The following ARRDC4 variants were observed in gnomAD, a reference collection of about 807,000 sequenced individuals.
ARRDC4 encodes arrestin domain-containing protein 4.
Under a neutral mutation model 44.6 loss-of-function variants are expected in ARRDC4, and 40 were observed. The ratio of observed to expected loss-of-function variants is 0.90; its 90% CI spans 0.70 to 1.17. ARRDC4 has a LOEUF of 1.17. Among genes scored for constraint, ARRDC4 ranks in the 50% most tolerant of loss-of-function variants. The pLI, the probability that ARRDC4 is intolerant of heterozygous loss-of-function variation, is 0.00. For synonymous variants in ARRDC4, 211 were observed against 221.2 expected, an observed-to-expected ratio of 0.95 and a Z score of 0.41; for missense variants, 550 against 559.1, an observed-to-expected ratio of 0.98 and a Z score of 0.16.
chr15:97,960,810 C>G lies in ARRDC4; in HGVS notation c.-52C>G, dbSNP rs1395927381. 3.0e-5 allele frequency: 38 copies of G among 1,257,918 alleles called. No individual in the cohort carries two copies. In the South Asian group the frequency reaches 1.1e-3, roughly 37 times the overall value. The allele number at this position is 1,257,918 out of a possible 1,614,324, so 77.9% of individuals were successfully genotyped here. ...CAGCGGCGCCGCTGTGCTCGCGACCCCGGCTCCGGGCCTCTGCCGACCTCA... is the reference window on the plus strand; with the variant it reads ...CAGCGGCGCCGCTGTGCTCGCGACCGCGGCTCCGGGCCTCTGCCGACCTCA... On this transcript the variant is annotated 5_prime_UTR_variant, in exon 1 of 8. Transcript: ENST00000268042.
chr15:97,968,976 T>C lies in ARRDC4; in HGVS notation c.626-147T>C. On this transcript the variant is annotated intron_variant, in intron 4 of 7. Transcript: ENST00000268042. The surrounding 1 kb of genome is among the most constrained non-coding windows in gnomAD (Gnocchi z 5.4). ...AACCTGCAGTGAATTTTTATTTCTC[T>C]GGCTTGAATTTACAATATGTTTTCC... is the stretch of plus-strand genomic sequence containing the variant. 1.2e-6 allele frequency: 1 copy of C among 863,064 alleles called. No individual in the cohort carries two copies. Among genetic ancestry groups the C allele is most frequent in the African/African-American group, 1.7e-5 (1 of 59,228 alleles). The allele number at this position is 863,064 out of a possible 1,614,324, so 53.5% of individuals were successfully genotyped here.
In ARRDC4 at chr15:97,968,219, A is replaced by G. The variant is rs1471091789; in HGVS notation, c.625+103A>G. ...TTTTTTGTAATTATATGACGTGTAT[A>G]GTATTTTAAAACATGAATAGTGATA... On this transcript the variant is annotated intron_variant, in intron 4 of 7. Transcript: ENST00000268042. The surrounding 1 kb of genome is among the most constrained non-coding windows in gnomAD (Gnocchi z 5.4). 1 of 580,944 alleles carries G rather than the reference A, an allele frequency of 1.7e-6. No individual in the cohort carries two copies. The highest frequency in any genetic ancestry group is 1.9e-5 in the African/African-American group (1 of 51,308). The allele number at this position is 580,944 out of a possible 1,614,324, so 36.0% of individuals were successfully genotyped here.
Position 97,965,901 on chromosome 15 carries a change from G to A in ARRDC4, c.381G>A (p.Leu127=), listed in dbSNP as rs143500462. The A allele has an allele frequency of 1.9e-6, 3 of 1,613,720 alleles. No individual in the cohort carries two copies. The highest frequency in any genetic ancestry group is 1.7e-6 in the Non-Finnish European group (2 of 1,179,964). Residue 127 remains leucine, a synonymous_variant, in exon 3 of 8, where the codon TTG becomes TTA. Coordinates refer to ENST00000268042, the MANE Select transcript of ARRDC4 (RefSeq NM_183376.3). This position sits in a 1 kb window ranked among gnomAD's most constrained non-coding sequence, Gnocchi z 5.1. ...PFRFQLPSEP[L]VTSFTGKYGS... ...TGTCTTTGGTTGGTTTCAGACCTTT[G>A]GTCACCTCGTTTACTGGGAAATATG...
rs1310853447 is a variant in ARRDC4 at position 97,973,081 on chromosome 15, T to C, written c.*1894T>C. On this transcript the variant is annotated 3_prime_UTR_variant, in exon 8 of 8. Coordinates refer to ENST00000268042, the MANE Select transcript of ARRDC4 (RefSeq NM_183376.3). ...GTGTATTTAAGTGTTGTCTAAACAG[T>C]TGATTTTTACTTTAGAAAAGATCAT... 1 of 152,256 alleles carries C rather than the reference T, an allele frequency of 6.6e-6. No individual in the cohort carries two copies. The highest frequency in any genetic ancestry group is 2.4e-5 in the African/African-American group (1 of 41,482). The allele number at this position is 152,256 out of a possible 1,614,324, so 9.4% of individuals were successfully genotyped here. A position where few individuals can be genotyped will look rare whatever the true frequency, so the allele number is the denominator to read the frequency against.
rs564131950 is a variant in ARRDC4, at chr15:97,966,117, C to A, written c.522+75C>A. The A allele has an allele frequency of 1.4e-4, 212 of 1,509,698 alleles. 1 individual carries two copies. The African/African-American group carries it at 2.0e-3, about 14-fold the overall frequency. 93.5% of individuals were successfully genotyped at this position (1,509,698 alleles called of 1,614,324 possible). A position where few individuals can be genotyped will look rare whatever the true frequency, so the allele number is the denominator to read the frequency against. On this transcript the variant is annotated intron_variant, in intron 3 of 7. Coordinates refer to ENST00000268042, the MANE Select transcript of ARRDC4 (RefSeq NM_183376.3). This position sits in a 1 kb window ranked among gnomAD's most constrained non-coding sequence, Gnocchi z 4.7. ...TCCTCCTTCCTTTCAACAGTGGGAT[C>A]TATATTTAGCCAGTTTACTGGTAGT... is the stretch of plus-strand genomic sequence containing the variant.
intron 1 of ARRDC4, among the ~76,000 whole-genome samples, chr15:97,961,998 G>C (rs1372856489): frequency 6.6e-6 from 1 of 152,122 alleles, no homozygotes; most frequent in Non-Finnish European, 1.5e-5. Flanking sequence ...ACCAAAATTG[G>C]ATCCCTTTAG....
chr15:97,969,824 A>G (rs1899477182), intron 5 of ARRDC4, 59 bp from the exon 6 acceptor site: 1 of 1,442,826 alleles, frequency 6.9e-7, no homozygotes, highest in African/African-American at 1.4e-5. Flanking sequence ...TGGGCTACCT[A>G]CTGGAGGTGT....
chr15:97,969,862 T>TC, intron 5 of ARRDC4, 21 bp from the exon 6 acceptor site: 3 of 1,521,598 alleles, frequency 2.0e-6, no homozygotes, highest in Non-Finnish European at 2.6e-6. Flanking sequence ...TTCTCTTTTT[T>TC]TTTTTTTTTT....
At position 97,965,633 on chromosome 15, in the gene ARRDC4, A is replaced by T. The variant is rs1016991549; in HGVS notation, c.341A>T (p.His114Leu). 1.3e-5 allele frequency: 21 copies of T among 1,613,712 alleles called. No homozygotes were observed. Among genetic ancestry groups the T allele is most frequent in the Non-Finnish European group, 1.8e-5 (21 of 1,179,626 alleles). Residue 114 changes from histidine to leucine, a missense_variant, in exon 2 of 8, where the codon CAT (histidine) becomes CTT (leucine). Physicochemically the swap from His to Leu is moderately conservative, Grantham distance 99 (BLOSUM62 -3). Transcript: ENST00000268042. This position sits in a 1 kb window ranked among gnomAD's most constrained non-coding sequence, Gnocchi z 5.1. ...EGIILLQPGK[H>L]EFPFRFQLPS... ...ATCATTTTATTACAGCCTGGAAAAC[A>T]TGAATTTCCATTTCGCTTTCAACTT...
Position 97,971,838 on chromosome 15 carries a change from A to G in ARRDC4, c.*651A>G, listed in dbSNP as rs1899520792. On this transcript the variant is annotated 3_prime_UTR_variant, in exon 8 of 8. Transcript: ENST00000268042. ...CAGTACGGTATTATGAAACCAAGAA[A>G]GGGTTTCTTGAAAAGCTTGTCGGTT... 1 of 152,220 alleles carries G rather than the reference A, an allele frequency of 6.6e-6. No individual in the cohort carries two copies. Among genetic ancestry groups the G allele is most frequent in the South Asian group, 2.1e-4 (1 of 4,836 alleles). The allele number at this position is 152,220 out of a possible 1,614,324, so 9.4% of individuals were successfully genotyped here. A position where few individuals can be genotyped will look rare whatever the true frequency, so the allele number is the denominator to read the frequency against.
chr15:97,972,972 G>A lies in ARRDC4; in HGVS notation c.*1785G>A, dbSNP rs1446845020. On this transcript the variant is annotated 3_prime_UTR_variant, in exon 8 of 8. Transcript: ENST00000268042. The surrounding 1 kb of genome is among the most constrained non-coding windows in gnomAD (Gnocchi z 5.3). ...ATGCAAAACTGTTAGACCAGTAATT[G>A]TGCTACTGAAATTGTCACAAAACGT... 1 of 152,526 alleles carries A rather than the reference G, an allele frequency of 6.6e-6. No individual in the cohort carries two copies. The allele number at this position is 152,526 out of a possible 1,614,324, so 9.4% of individuals were successfully genotyped here. A position where few individuals can be genotyped will look rare whatever the true frequency, so the allele number is the denominator to read the frequency against.
rs1454452383 is a variant in ARRDC4, at chr15:97,970,268, G to A, written c.1045+223G>A. On this transcript the variant is annotated intron_variant, in intron 6 of 7. Transcript: ENST00000268042. The surrounding 1 kb of genome is among the most constrained non-coding windows in gnomAD (Gnocchi z 4.2). ...CTGATAGCAGATTCAGGAATAAGATGTACATTTCCTAATTCCTATTTGTAA... is the reference window on the plus strand; with the variant it reads ...CTGATAGCAGATTCAGGAATAAGATATACATTTCCTAATTCCTATTTGTAA... 6.6e-6 allele frequency among the ~76,000 whole-genome samples: 1 copy of A among 152,066 alleles called. No individual in the cohort carries two copies. Among genetic ancestry groups the A allele is most frequent in the Non-Finnish European group, 1.5e-5 (1 of 68,010 alleles).
At position 97,965,144 on chromosome 15, in the gene ARRDC4, A is replaced by G. The variant is rs1899394480; in HGVS notation, c.308-456A>G. 6.6e-6 allele frequency among the ~76,000 whole-genome samples: 1 copy of G among 152,164 alleles called. No homozygotes were observed. Among genetic ancestry groups the G allele is most frequent in the Non-Finnish European group, 1.5e-5 (1 of 68,040 alleles). On this transcript the variant is annotated intron_variant, in intron 1 of 7. Transcript: ENST00000268042. This position sits in a 1 kb window ranked among gnomAD's most constrained non-coding sequence, Gnocchi z 5.1. ...GTGTGAGTGTTATGGTACTTGGTAA[A>G]AACTGGCCAAGTGCAGTAGCTCACC...
chr15:97,965,979 T>A lies in ARRDC4; in HGVS notation c.459T>A (p.Asp153Glu), dbSNP rs745606400. 2.0e-5 allele frequency: 32 copies of A among 1,614,074 alleles called. No individual in the cohort carries two copies. The highest frequency in any genetic ancestry group is 3.3e-4 in the Middle Eastern group (2 of 6,084). Residue 153 changes from aspartate (D) to glutamate (E), a missense_variant, in exon 3 of 8, where the codon GAT becomes GAA. Transcript: ENST00000268042. The surrounding 1 kb of genome is among the most constrained non-coding windows in gnomAD (Gnocchi z 5.1). The stretch of plus-strand genomic sequence containing the variant: ...TGTTGGAACGACCCAAGGTACCTGA[T>A]CAGAGTGTAAAGCGGGAACTCCAGG... ...RAVLERPKVP[D>E]QSVKRELQVV...
chr15:97,962,324 T>C (rs1351578507), intron 1 of ARRDC4, among the ~76,000 whole-genome samples: 1 of 152,172 alleles, frequency 6.6e-6, no homozygotes, highest in Non-Finnish European at 1.5e-5. Context: ...GAACAGTGTG[T>C]TAGTGATAGT....
At chr15:97,969,801 AAAAG>A in intron 5 of ARRDC4, 78 bp from the exon 6 acceptor site, 3 of 1,310,492 alleles carry the variant, frequency 2.3e-6, no homozygotes, top group African/African-American at 1.5e-5. Flanking sequence ...TTCTATGAAA[AAAAG>A]AAATTAATTG....
intron 1 of ARRDC4, among the ~76,000 whole-genome samples, chr15:97,963,647 G>T (rs139235667): frequency 6.6e-6 from 1 of 152,136 alleles, no homozygotes; most frequent in Non-Finnish European, 1.5e-5. Flanking sequence ...ATGTTCCTAT[G>T]TGGGTGCTCT....
intron 1 of ARRDC4, among the ~76,000 whole-genome samples, chr15:97,964,564 T>G (rs182886068): frequency 4.5e-4 from 68 of 152,310 alleles, no homozygotes; most frequent in Admixed American, 7.2e-4. Flanking sequence ...GTGGTGCCTC[T>G]GGCCTTACAA....
Position 97,971,573 on chromosome 15 carries a change from G to T in ARRDC4, c.*386G>T. On this transcript the variant is annotated 3_prime_UTR_variant, in exon 8 of 8. Coordinates refer to ENST00000268042, the MANE Select transcript of ARRDC4 (RefSeq NM_183376.3). ...GAACGAAGGCGATATGAACTGAAGG[G>T]GTGAAGACTTGATTTTGGAGAGGGC... is the stretch of plus-strand genomic sequence containing the variant. The T allele has an allele frequency of 4.5e-6, 1 of 221,232 alleles. No individual in the cohort carries two copies. 13.7% of individuals were successfully genotyped at this position (221,232 alleles called of 1,614,324 possible).
Sources: allele counts gnomAD v4.1 joint callset (sites outside exome capture counted in the v4.1 genomes callset), GRCh38; gene constraint gnomAD v4.1.1; non-coding constraint Gnocchi (gnomAD v3.1); transcripts MANE v1.5; gene names NCBI Gene and HGNC (gene_info 2026-07-23, HGNC 2026-07-21).